GPC1: variants seen among roughly 807,000 people sequenced by gnomAD.
The protein encoded by GPC1 is glypican 1.
Under a neutral mutation model 51.5 loss-of-function variants are expected in GPC1, and 26 were observed. That is an observed-to-expected ratio of 0.50 (90% CI 0.37 to 0.70). The LOEUF (loss-of-function observed/expected upper bound fraction) is 0.70, where lower values mean the gene tolerates loss of function less well. Among genes scored for constraint, GPC1 ranks in the 30% least tolerant of loss-of-function variants. The pLI, the probability that GPC1 is intolerant of heterozygous loss-of-function variation, is 0.00. For missense variants in GPC1, 775 were observed against 800.5 expected (o/e 0.97, Z 0.38); for synonymous variants, 380 against 348.3 (o/e 1.09, Z -1.01).
rs1237066158 is a variant in GPC1 at position 240,467,754 on chromosome 2, T to C, written c.*1464T>C. On this transcript the variant is annotated 3_prime_UTR_variant, in exon 9 of 9. Transcript: ENST00000264039. ...TGGCTTGTTCTCTGGAACCTGACTT[T>C]AGATGTTTTGGGATCAGGAGCCCCC... 2 of 152,276 alleles carry C rather than the reference T, an allele frequency of 1.3e-5. No homozygotes were observed. Among genetic ancestry groups the C allele is most frequent in the African/African-American group, 2.4e-5 (1 of 41,446 alleles). 9.4% of individuals were successfully genotyped at this position (152,276 alleles called of 1,614,324 possible).
intron 1 of GPC1, among the ~76,000 whole-genome samples, chr2:240,442,687 G>C (rs550968604): frequency 2.6e-5 from 4 of 152,354 alleles, no homozygotes; most frequent in Admixed American, 1.3e-4. Flanking sequence ...TCGGGGTTAG[G>C]CCTCAGCCAT....
At chr2:240,436,855 TA>T (rs2073987468) in intron 1 of GPC1, among the ~76,000 whole-genome samples, 1 of 152,250 alleles carries the variant, frequency 6.6e-6, no homozygotes, top group Non-Finnish European at 1.5e-5. Context: ...CATTTCTTTG[TA>T]AGAACAGCGG....
In GPC1 at chr2:240,459,160, G is replaced by T. The variant is rs1170782391; in HGVS notation, c.297G>T (p.Met99Ile). ...ACAGCAGCCGCGTCCTGCAGGCCATGCTTGCCACCCAGCTGCGCAGCTTCG... is the reference window on the plus strand; with the variant it reads ...ACAGCAGCCGCGTCCTGCAGGCCATTCTTGCCACCCAGCTGCGCAGCTTCG... ...LRDSSRVLQAMLATQLRSFDD... is the reference protein window; with the variant it reads ...LRDSSRVLQAILATQLRSFDD... Residue 99 changes from methionine (M) to isoleucine (I), a missense_variant, in exon 2 of 9, where the codon ATG becomes ATT. By Grantham distance (10) the Met-to-Ile change is conservative. Coordinates refer to ENST00000264039, the MANE Select transcript of GPC1 (RefSeq NM_002081.3). 5.0e-6 allele frequency: 8 copies of T among 1,612,346 alleles called. No individual in the cohort carries two copies. The highest frequency in any genetic ancestry group is 6.8e-6 in the Non-Finnish European group (8 of 1,179,828).
intron 1 of GPC1, among the ~76,000 whole-genome samples, chr2:240,444,874 G>A (rs112412260): frequency 1.7e-4 from 26 of 152,318 alleles, no homozygotes; most frequent in African/African-American, 6.3e-4. Flanking sequence ...ACCGGGGCCA[G>A]GAGGCCCATC....
At chr2:240,464,772 A>C in intron 5 of GPC1, 26 bp downstream of exon 5, 1 of 1,591,032 alleles carries the variant, frequency 6.3e-7, no homozygotes, top group Non-Finnish European at 8.6e-7. Flanking sequence ...CGTGACGAGC[A>C]CAGCGGGGTG....
In GPC1 at chr2:240,449,845, C is replaced by T. The variant is rs1468823237; in HGVS notation, c.167-9185C>T. The T allele has an allele frequency of 1.1e-5, 5 of 470,404 alleles. No individual in the cohort carries two copies. The East Asian group carries it at 3.5e-4, about 33-fold the overall frequency. 29.1% of individuals were successfully genotyped at this position (470,404 alleles called of 1,614,324 possible). ...CTGGCTTCTTTCACTCAGCGTCGTC[C>T]TCAAGGTTCCTCCACGCCGGAGCAT... On this transcript the variant is annotated intron_variant, in intron 1 of 8. Transcript: ENST00000264039.
chr2:240,465,515 C>G lies in GPC1; in HGVS notation c.1311C>G (p.Ile437Met), dbSNP rs1372773870. 1.9e-6 allele frequency: 3 copies of G among 1,613,152 alleles called. No homozygotes were observed. Among genetic ancestry groups the G allele is most frequent in the Admixed American group, 3.3e-5 (2 of 60,030 alleles). Residue 437 changes from isoleucine (I) to methionine (M), a missense_variant, in exon 8 of 9, where the codon ATC (isoleucine) becomes ATG (methionine). Transcript: ENST00000264039. Reference protein sequence around the residue: ...EVMGDGLANQINNPEVEVDIT... With the variant: ...EVMGDGLANQMNNPEVEVDIT... Reference sequence around the variant, plus strand: ...TGGGTGACGGCCTGGCCAACCAGATCAACAACCCCGAGGTGGAGGTGGACA... The same window carrying G: ...TGGGTGACGGCCTGGCCAACCAGATGAACAACCCCGAGGTGGAGGTGGACA...
At chr2:240,440,443 A>G (rs1475150169) in intron 1 of GPC1, among the ~76,000 whole-genome samples, 2 of 152,146 alleles carry the variant, frequency 1.3e-5, no homozygotes, top group East Asian at 1.9e-4. Flanking sequence ...CAGGCTCTGC[A>G]CTTCTTGGAA....
chr2:240,468,024 C>T lies in GPC1; in HGVS notation c.*1734C>T, dbSNP rs1042823. 0.092 allele frequency: 13,963 copies of T among 152,392 alleles called. 749 individuals carry two copies. Among genetic ancestry groups the T allele is most frequent in the Non-Finnish European group, 0.11 (7,544 of 68,140 alleles). The allele number at this position is 152,392 out of a possible 1,614,324, so 9.4% of individuals were successfully genotyped here. On this transcript the variant is annotated 3_prime_UTR_variant, in exon 9 of 9. Transcript: ENST00000264039. ...AGGTCCCCCCACCGCTCAGTGTCAG[C>T]GGGTGACGTGTGTTCTTTTGAGTCC... is the stretch of plus-strand genomic sequence containing the variant.
intron 1 of GPC1, chr2:240,450,519 A>G (rs1006120950): frequency 2.2e-6 from 1 of 448,820 alleles, no homozygotes; most frequent in African/African-American, 2.0e-5. Context: ...GTGAAGATGA[A>G]ATGACTCGGC....
At chr2:240,457,124 G>A (rs1339335503) in intron 1 of GPC1, among the ~76,000 whole-genome samples, 7 of 152,272 alleles carry the variant, frequency 4.6e-5, no homozygotes, top group Non-Finnish European at 1.0e-4. Flanking sequence ...GGGAATCCCT[G>A]GACCTGCAGC....
At chr2:240,464,486 G>A (rs541260881) in intron 4 of GPC1, 130 bp from the exon 5 acceptor site, 512 of 1,256,002 alleles carry the variant, frequency 4.1e-4, no homozygotes, top group Non-Finnish European at 4.9e-4. Context: ...TGCACACGTG[G>A]GATCTCCCAT....
Sources: allele counts gnomAD v4.1 joint callset (sites outside exome capture counted in the v4.1 genomes callset), GRCh38; gene constraint gnomAD v4.1.1; transcripts MANE v1.5; gene names NCBI Gene and HGNC (gene_info 2026-07-23, HGNC 2026-07-21).